The following SCFD2 variants were observed in gnomAD, a reference collection of about 807,000 sequenced individuals.
SCFD2 encodes sec1 family domain-containing protein 2.
A neutral mutation model predicts 58.9 loss-of-function variants in SCFD2; 54 were observed. That is an observed-to-expected ratio of 0.92 (90% CI 0.74 to 1.15). SCFD2 has a LOEUF of 1.15. Among genes scored for constraint, SCFD2 ranks in the 50% most tolerant of loss-of-function variants. The probability of loss-of-function intolerance (pLI) is 0.00; values close to 1 mark genes in which losing one functional copy is unlikely to be tolerated. For missense variants in SCFD2, 805 were observed against 836.6 expected, an observed-to-expected ratio of 0.96 and a Z score of 0.47; for synonymous variants, 321 against 335.9, an observed-to-expected ratio of 0.96 and a Z score of 0.49.
At chr4:53,043,088 C>T (rs949438362) in intron 5 of SCFD2, among the ~76,000 whole-genome samples, 2 of 152,042 alleles carry the variant, frequency 1.3e-5, no homozygotes, top group South Asian at 2.1e-4. Flanking sequence ...CAATAAAATC[C>T]GATTATATTA....
At chr4:52,926,116 G>C (rs1221171687) in intron 5 of SCFD2, among the ~76,000 whole-genome samples, 3 of 151,978 alleles carry the variant, frequency 2.0e-5, no homozygotes, top group Admixed American at 1.3e-4. Flanking sequence ...AGAGAAAACA[G>C]AACAGCTTAA....
At chr4:53,297,916 C>T (rs902895422) in intron 3 of SCFD2, among the ~76,000 whole-genome samples, 2 of 152,052 alleles carry the variant, frequency 1.3e-5, no homozygotes, top group Non-Finnish European at 2.9e-5. Context: ...ACTTATGAAG[C>T]CTTTTTGGCT....
intron 5 of SCFD2, among the ~76,000 whole-genome samples, chr4:52,959,189 G>C (rs1243664960): frequency 6.6e-6 from 1 of 152,172 alleles, no homozygotes; most frequent in African/African-American, 2.4e-5. Flanking sequence ...AGGGTGTCAA[G>C]AGGCTTCGGT....
At chr4:52,899,769 C>T (rs1030493165) in intron 7 of SCFD2, among the ~76,000 whole-genome samples, 6 of 152,136 alleles carry the variant, frequency 3.9e-5, no homozygotes, top group East Asian at 1.9e-4. Context: ...CCATTCTTCC[C>T]GTCACTTTCA....
chr4:52,957,192 A>G (rs1213612949), intron 5 of SCFD2: 1 of 152,190 alleles, frequency 6.6e-6, no homozygotes, highest in Non-Finnish European at 1.5e-5. Context: ...GTCTGGTTGC[A>G]GTATTTCCAC....
chr4:53,298,257 C>A (rs1732121587), intron 3 of SCFD2, among the ~76,000 whole-genome samples: 1 of 152,144 alleles, frequency 6.6e-6, no homozygotes. Flanking sequence ...TAATACTGTG[C>A]TTTTCCAATG....
At chr4:53,125,411 A>G (rs1294897625) in intron 5 of SCFD2, among the ~76,000 whole-genome samples, 4 of 152,212 alleles carry the variant, frequency 2.6e-5, no homozygotes, top group African/African-American at 9.6e-5. Flanking sequence ...ATTTATCTTG[A>G]TCTAAAGCCT....
intron 4 of SCFD2, among the ~76,000 whole-genome samples, chr4:53,213,651 G>A (rs1182131922): frequency 3.3e-5 from 5 of 151,738 alleles, no homozygotes; most frequent in East Asian, 1.9e-4. Context: ...AATGCCATAC[G>A]GTTCTTTCAT....
intron 5 of SCFD2, chr4:52,956,207 C>A (rs376742075): frequency 3.3e-4 from 152 of 456,740 alleles, no homozygotes; most frequent in African/African-American, 2.8e-3. Context: ...CAGCAGCCAT[C>A]TCCCCTACAT....
intron 4 of SCFD2, among the ~76,000 whole-genome samples, chr4:53,260,127 G>A (rs1730785628): frequency 6.6e-6 from 1 of 152,068 alleles, no homozygotes. Context: ...GGAGCTTTTT[G>A]GATGAATCTT....
At chr4:53,111,295 CT>C (rs1342959942) in intron 5 of SCFD2, among the ~76,000 whole-genome samples, 3 of 151,918 alleles carry the variant, frequency 2.0e-5, no homozygotes, top group Non-Finnish European at 2.9e-5. Flanking sequence ...TGTAACAAAC[CT>C]ACATGTTCTG....
intron 5 of SCFD2, among the ~76,000 whole-genome samples, chr4:53,114,716 T>A (rs975345285): frequency 6.6e-6 from 1 of 152,062 alleles, no homozygotes; most frequent in African/African-American, 2.4e-5. Flanking sequence ...AGGGAAATCA[T>A]ATCAGAAGGA....
At position 53,273,820 on chromosome 4, in the gene SCFD2, A is replaced by G; in HGVS notation, c.1311+6T>C. 6.2e-7 allele frequency: 1 copy of G among 1,609,672 alleles called. No individual in the cohort carries two copies. The highest frequency in any genetic ancestry group is 1.1e-5 in the South Asian group (1 of 89,870). On this transcript the variant is annotated splice_donor_region_variant and intron_variant, in intron 4 of 8. Coordinates refer to ENST00000401642, the MANE Select transcript of SCFD2 (RefSeq NM_152540.4). ...AAGATCCCACGAGGTTCCCATAGCA[A>G]CATACCTGAAGAAGGAGCCTTTCAA...
At chr4:53,159,916 T>C (rs576180447) in intron 4 of SCFD2, among the ~76,000 whole-genome samples, 3 of 152,200 alleles carry the variant, frequency 2.0e-5, no homozygotes, top group African/African-American at 7.2e-5. Flanking sequence ...TGAAAAAGGA[T>C]GGGATGCACT....
chr4:53,033,889 G>C (rs1318641924), intron 5 of SCFD2, among the ~76,000 whole-genome samples: 1 of 152,130 alleles, frequency 6.6e-6, no homozygotes, highest in Non-Finnish European at 1.5e-5. Flanking sequence ...GAGGTACAAA[G>C]AGGAGCTGGT....
chr4:53,273,819 A>G lies in SCFD2; in HGVS notation c.1311+7T>C, dbSNP rs1365166130. ...TAAGATCCCACGAGGTTCCCATAGCAACATACCTGAAGAAGGAGCCTTTCA... is the reference window on the plus strand; with the variant it reads ...TAAGATCCCACGAGGTTCCCATAGCGACATACCTGAAGAAGGAGCCTTTCA... On this transcript the variant is annotated splice_region_variant and intron_variant, in intron 4 of 8. Transcript: ENST00000401642. The G allele has an allele frequency of 4.3e-6, 7 of 1,609,648 alleles. No homozygotes were observed. The highest frequency in any genetic ancestry group is 5.1e-6 in the Non-Finnish European group (6 of 1,177,980).
At chr4:53,314,489 G>A (rs1045475994) in intron 2 of SCFD2, among the ~76,000 whole-genome samples, 3 of 152,082 alleles carry the variant, frequency 2.0e-5, no homozygotes, top group African/African-American at 4.8e-5. Flanking sequence ...TGTTCTTTCC[G>A]GAAGATCTCT....
At position 53,031,583 on chromosome 4, in the gene SCFD2, G is replaced by C. The variant is rs548280781; in HGVS notation, c.1562-110713C>G. Among the ~76,000 whole-genome samples, 5 of 152,236 alleles carry C rather than the reference G, an allele frequency of 3.3e-5. No homozygotes were observed. In the East Asian group the frequency reaches 9.7e-4, roughly 29 times the overall value. On this transcript the variant is annotated intron_variant, in intron 5 of 8. Coordinates refer to ENST00000401642, the MANE Select transcript of SCFD2 (RefSeq NM_152540.4). The stretch of plus-strand genomic sequence containing the variant: ...CCACTAGAATAACCAGTTTAGAGAA[G>C]AACATAAATGACCTGATGTAGATGA...
chr4:53,115,000 C>A (rs765267744), intron 5 of SCFD2, among the ~76,000 whole-genome samples: 1 of 151,698 alleles, frequency 6.6e-6, no homozygotes, highest in Admixed American at 6.6e-5. Context: ...TAGGCAAACA[C>A]GATGTTTTTA....
Sources: allele counts gnomAD v4.1 joint callset (sites outside exome capture counted in the v4.1 genomes callset), GRCh38; gene constraint gnomAD v4.1.1; transcripts MANE v1.5; gene names NCBI Gene and HGNC (gene_info 2026-07-23, HGNC 2026-07-21).